The following SLC4A10 variants were observed in gnomAD, a reference collection of about 807,000 sequenced individuals.
SLC4A10 encodes the protein solute carrier family 4 member 10.
SLC4A10 carries 42 observed loss-of-function variants against 137.7 expected under a neutral mutation model. The ratio of observed to expected loss-of-function variants is 0.30; its 90% CI spans 0.24 to 0.39. The LOEUF is 0.39. Ranked by LOEUF, SLC4A10 falls within the 10% of genes least tolerant of loss-of-function variation. SLC4A10 has a pLI of 1.00. For synonymous variants in SLC4A10, 474 were observed against 464.1 expected, an observed-to-expected ratio of 1.02 and a Z score of -0.27; for missense variants, 925 against 1,355.0, an observed-to-expected ratio of 0.68 and a Z score of 4.98.
rs534816656 is a variant in SLC4A10 at position 161,798,136 on chromosome 2, T to C, written c.131-6313T>C. 1.6e-4 allele frequency among the ~76,000 whole-genome samples: 25 copies of C among 152,144 alleles called. 1 individual carries two copies. Among genetic ancestry groups the C allele is most frequent in the Admixed American group, 5.9e-4 (9 of 15,248 alleles). Reference sequence around the variant, plus strand: ...ACTCTCCCTTAGCAGAAATTTTCCATTGGACTTCTAGTGCTTTGATGTATT... The same window carrying C: ...ACTCTCCCTTAGCAGAAATTTTCCACTGGACTTCTAGTGCTTTGATGTATT... On this transcript the variant is annotated intron_variant, in intron 2 of 26. Coordinates refer to ENST00000446997, the MANE Select transcript of SLC4A10 (RefSeq NM_001178015.2).
intron 6 of SLC4A10, among the ~76,000 whole-genome samples, chr2:161,869,093 C>T (rs542197848): frequency 3.3e-5 from 5 of 151,626 alleles, no homozygotes; most frequent in Non-Finnish European, 5.9e-5. Flanking sequence ...TATATGAGTG[C>T]TAAATCCTAA....
chr2:161,645,233 T>TC (rs2035873612), intron 1 of SLC4A10, among the ~76,000 whole-genome samples: 1 of 151,588 alleles, frequency 6.6e-6, no homozygotes, highest in Non-Finnish European at 1.5e-5. Flanking sequence ...TCCAATATTT[T>TC]TTTTCTCTCT....
rs535013523 is a variant in SLC4A10, at chr2:161,975,520, A to C, written c.3227+1204A>C. 2.6e-5 allele frequency among the ~76,000 whole-genome samples: 4 copies of C among 152,316 alleles called. 1 individual carries two copies. The highest frequency in any genetic ancestry group is 4.1e-4 in the South Asian group (2 of 4,826). ...ATATCATGAAAAATGTCTATTCCACATGATGCTTTTTTTAAGAAAGTAGTC... is the reference window on the plus strand; with the variant it reads ...ATATCATGAAAAATGTCTATTCCACCTGATGCTTTTTTTAAGAAAGTAGTC... On this transcript the variant is annotated intron_variant, in intron 24 of 26. Coordinates refer to ENST00000446997, the MANE Select transcript of SLC4A10 (RefSeq NM_001178015.2).
intron 26 of SLC4A10, among the ~76,000 whole-genome samples, chr2:161,980,624 G>C (rs1700088817): frequency 6.6e-6 from 1 of 152,084 alleles, no homozygotes; most frequent in Non-Finnish European, 1.5e-5. Flanking sequence ...ACTCCAGCCT[G>C]GGCAACAGAG....
chr2:161,847,498 T>C (rs992200985), intron 4 of SLC4A10, among the ~76,000 whole-genome samples: 6 of 152,018 alleles, frequency 3.9e-5, no homozygotes, highest in African/African-American at 1.4e-4. Flanking sequence ...TGATAGATAT[T>C]TTTTGTCACC....
chr2:161,711,627 C>T (rs1014848571), intron 1 of SLC4A10, among the ~76,000 whole-genome samples: 7 of 151,730 alleles, frequency 4.6e-5, no homozygotes, highest in Non-Finnish European at 7.4e-5. Flanking sequence ...AACTGGAACA[C>T]GCTGCCTGAT....
chr2:161,933,763 C>T (rs1439942255), intron 15 of SLC4A10, among the ~76,000 whole-genome samples: 1 of 152,152 alleles, frequency 6.6e-6, no homozygotes, highest in African/African-American at 2.4e-5. Context: ...ATCTTGGCTA[C>T]TGTGAATAAA....
intron 2 of SLC4A10, among the ~76,000 whole-genome samples, chr2:161,789,307 C>T (rs2053964750): frequency 6.6e-6 from 1 of 152,140 alleles, no homozygotes; most frequent in Admixed American, 6.5e-5. Context: ...AGAAGCACCC[C>T]AACCTATCCT....
intron 3 of SLC4A10, among the ~76,000 whole-genome samples, chr2:161,823,503 T>C (rs1377110114): frequency 1.3e-5 from 2 of 152,212 alleles, no homozygotes; most frequent in East Asian, 3.8e-4. Flanking sequence ...AGTATAATAT[T>C]GTGAACCTTG....
At chr2:161,726,157 C>G (rs574723969) in intron 1 of SLC4A10, among the ~76,000 whole-genome samples, 1 of 152,158 alleles carries the variant, frequency 6.6e-6, no homozygotes, top group African/African-American at 2.4e-5. Context: ...TTCTGAAGCT[C>G]ATTGAGGGGT....
chr2:161,648,549 C>T (rs112382841), intron 1 of SLC4A10, among the ~76,000 whole-genome samples: 3 of 152,112 alleles, frequency 2.0e-5, no homozygotes, highest in Non-Finnish European at 4.4e-5. Flanking sequence ...TGAAACAATT[C>T]ATATAATTTA....
chr2:161,677,918 A>G (rs972721078), intron 1 of SLC4A10, among the ~76,000 whole-genome samples: 6 of 152,138 alleles, frequency 3.9e-5, no homozygotes, highest in African/African-American at 1.4e-4. Context: ...GTAATAGGTC[A>G]CAGGGAGGGC....
chr2:161,979,096 A>T (rs1699838726), intron 26 of SLC4A10, among the ~76,000 whole-genome samples: 1 of 152,232 alleles, frequency 6.6e-6, no homozygotes, highest in South Asian at 2.1e-4. Context: ...TTATGAGCTC[A>T]AAATAAAATG....
At chr2:161,785,358 C>G (rs2053504802) in intron 2 of SLC4A10, among the ~76,000 whole-genome samples, 1 of 151,460 alleles carries the variant, frequency 6.6e-6, no homozygotes, top group Non-Finnish European at 1.5e-5. Flanking sequence ...GGAAATACCT[C>G]CAAACTCATT....
At chr2:161,972,309 C>T (rs977488161) in intron 23 of SLC4A10, among the ~76,000 whole-genome samples, 3 of 152,232 alleles carry the variant, frequency 2.0e-5, no homozygotes, top group South Asian at 4.1e-4. Context: ...GGAACCTTTT[C>T]TACCTGAAAT....
intron 6 of SLC4A10, among the ~76,000 whole-genome samples, chr2:161,868,879 A>G (rs1000627879): frequency 6.6e-6 from 1 of 151,646 alleles, no homozygotes; most frequent in Non-Finnish European, 1.5e-5. Flanking sequence ...AGTCATCCTC[A>G]TGCCTCAAAA....
chr2:161,939,654 G>A (rs540876232), intron 15 of SLC4A10, among the ~76,000 whole-genome samples: 15 of 151,984 alleles, frequency 9.9e-5, no homozygotes, highest in Admixed American at 2.0e-4. Flanking sequence ...CCGTTGTAGC[G>A]GCTATTAACA....
chr2:161,828,643 C>T (rs1206653274), intron 3 of SLC4A10, among the ~76,000 whole-genome samples: 1 of 146,112 alleles, frequency 6.8e-6, no homozygotes, highest in Non-Finnish European at 1.5e-5. Context: ...TGCTTTTCTT[C>T]TCTCTGGTAT....
chr2:161,698,373 C>T (rs1320522505), intron 1 of SLC4A10, among the ~76,000 whole-genome samples: 1 of 152,156 alleles, frequency 6.6e-6, no homozygotes, highest in Non-Finnish European at 1.5e-5. Context: ...GAGGGCATCC[C>T]TGTCTTGTGC....
Sources: gnomAD v4.1 joint callset for allele counts (sites outside exome capture counted in the v4.1 genomes callset) on GRCh38, gnomAD v4.1.1 for gene constraint, MANE v1.5 for transcripts, NCBI Gene and HGNC (gene_info 2026-07-23, HGNC 2026-07-21) for gene names.